ADAMTSL1: variants seen among roughly 807,000 people sequenced by gnomAD.
The protein encoded by ADAMTSL1 is ADAMTS-like protein 1.
Under a neutral mutation model 201.8 loss-of-function variants are expected in ADAMTSL1, and 126 were observed. The ratio of observed to expected loss-of-function variants is 0.62; its 90% CI spans 0.54 to 0.72. The LOEUF (loss-of-function observed/expected upper bound fraction) is 0.72. Among genes scored for constraint, ADAMTSL1 ranks in the 30% least tolerant of loss-of-function variants. The pLI, the probability that ADAMTSL1 is intolerant of heterozygous loss-of-function variation, is 0.00. For missense variants in ADAMTSL1, 2,679 were observed against 2,277.8 expected, an observed-to-expected ratio of 1.18 and a Z score of -3.59; for synonymous variants, 1,121 against 903.4, an observed-to-expected ratio of 1.24 and a Z score of -4.32.
At position 18,777,203 on chromosome 9, in the gene ADAMTSL1, C is replaced by A; in HGVS notation, c.2974C>A (p.Leu992Met). Residue 992 changes from leucine to methionine, a missense_variant, in exon 19 of 29, where the codon CTG becomes ATG. By Grantham distance (15) the Leu-to-Met change is conservative. Transcript: ENST00000380548. ...GAGGAAGGGCGGCCCGAAGGAGGCCCTGCAGACCCACAAACACCAGAACGG... is the reference window on the plus strand; with the variant it reads ...GAGGAAGGGCGGCCCGAAGGAGGCCATGCAGACCCACAAACACCAGAACGG... ...AGRKGGPKEA[L>M]QTHKHQNGIF... is the part of the protein sequence containing the mutation. 1 of 1,612,876 alleles carries A rather than the reference C, an allele frequency of 6.2e-7. No homozygotes were observed. The highest frequency in any genetic ancestry group is 2.2e-5 in the East Asian group (1 of 44,862).
intron 1 of ADAMTSL1, among the ~76,000 whole-genome samples, chr9:18,501,879 T>G (rs1822862353): frequency 6.6e-6 from 1 of 152,220 alleles, no homozygotes; most frequent in Admixed American, 6.5e-5. Flanking sequence ...ATATGTGTAG[T>G]TGTGCTGAAA....
intron 1 of ADAMTSL1, among the ~76,000 whole-genome samples, chr9:17,994,185 C>T (rs1401827102): frequency 6.6e-6 from 1 of 151,988 alleles, no homozygotes; most frequent in Non-Finnish European, 1.5e-5. Context: ...AAGGCCCTGA[C>T]TAATCTGAAC....
intron 26 of ADAMTSL1, among the ~76,000 whole-genome samples, chr9:18,892,804 T>C (rs1829372478): frequency 6.6e-6 from 1 of 152,102 alleles, no homozygotes; most frequent in African/African-American, 2.4e-5. Context: ...ACCAATGTGA[T>C]TGAATGAATG....
chr9:18,115,347 G>A (rs529772250), intron 1 of ADAMTSL1, among the ~76,000 whole-genome samples: 57 of 152,230 alleles, frequency 3.7e-4, no homozygotes, highest in African/African-American at 1.3e-3. Flanking sequence ...TGGAAGGCAG[G>A]CAGGAAGGCA....
At chr9:18,828,264 G>A (rs1038767217) in intron 22 of ADAMTSL1, among the ~76,000 whole-genome samples, 1 of 152,106 alleles carries the variant, frequency 6.6e-6, no homozygotes, top group Non-Finnish European at 1.5e-5. Context: ...GACATGCACT[G>A]AAAAGGAAAA....
chr9:18,884,793 T>TATCA (rs1168899654), intron 23 of ADAMTSL1, among the ~76,000 whole-genome samples: 24 of 152,248 alleles, frequency 1.6e-4, no homozygotes, highest in African/African-American at 5.3e-4. Context: ...TTTTGATTAC[T>TATCA]ATCACTTTGT....
chr9:18,641,472 AC>A (rs1326961819), intron 7 of ADAMTSL1, among the ~76,000 whole-genome samples: 4 of 152,078 alleles, frequency 2.6e-5, no homozygotes, highest in Admixed American at 6.6e-5. Context: ...GCCTGAGTTC[AC>A]ACTGATGGGA....
chr9:18,449,210 A>T (rs1043569815), intron 2 of ADAMTSL1, among the ~76,000 whole-genome samples: 3 of 151,838 alleles, frequency 2.0e-5, no homozygotes, highest in Admixed American at 1.3e-4. Flanking sequence ...TGTATGTCAA[A>T]AATCACTTAG....
chr9:18,850,892 G>A (rs1402816462), intron 23 of ADAMTSL1, among the ~76,000 whole-genome samples: 1 of 152,180 alleles, frequency 6.6e-6, no homozygotes, highest in East Asian at 1.9e-4. Flanking sequence ...AAGAGTATCT[G>A]CCCACCCAGC....
intron 4 of ADAMTSL1, among the ~76,000 whole-genome samples, chr9:18,611,172 C>T (rs570234332): frequency 1.3e-5 from 2 of 152,260 alleles, no homozygotes; most frequent in East Asian, 3.9e-4. Flanking sequence ...CAAAGTATAC[C>T]ATGATGTCAC....
intron 19 of ADAMTSL1, among the ~76,000 whole-genome samples, chr9:18,790,478 C>G (rs1384583883): frequency 6.6e-6 from 1 of 152,190 alleles, no homozygotes; most frequent in Non-Finnish European, 1.5e-5. Context: ...CAGAGACTTT[C>G]CTTTATACAC....
At chr9:17,924,817 C>A (rs1214620961) in intron 1 of ADAMTSL1, among the ~76,000 whole-genome samples, 1 of 74,960 alleles carries the variant, frequency 1.3e-5, no homozygotes, top group Non-Finnish European at 2.7e-5. Flanking sequence ...GTCCAAAACA[C>A]CAAAAGCAAT....
At chr9:18,181,705 C>A (rs1262781414) in intron 2 of ADAMTSL1, among the ~76,000 whole-genome samples, 12 of 151,904 alleles carry the variant, frequency 7.9e-5, no homozygotes, top group Admixed American at 2.0e-4. Context: ...TAAACTAGTT[C>A]AACCCTTGTG....
chr9:17,953,757 T>C (rs1477107886), intron 1 of ADAMTSL1, among the ~76,000 whole-genome samples: 1 of 152,190 alleles, frequency 6.6e-6, no homozygotes, highest in Non-Finnish European at 1.5e-5. Flanking sequence ...GTTTCAGTTA[T>C]CTATTGCTGC....
intron 2 of ADAMTSL1, among the ~76,000 whole-genome samples, chr9:18,288,681 G>A (rs571268403): frequency 1.3e-5 from 2 of 152,300 alleles, no homozygotes; most frequent in Admixed American, 1.3e-4. Flanking sequence ...AAAAAGAAAA[G>A]AAAGTAAAAG....
chr9:18,222,033 A>T (rs1461679181), intron 2 of ADAMTSL1, among the ~76,000 whole-genome samples: 1 of 151,958 alleles, frequency 6.6e-6, no homozygotes, highest in African/African-American at 2.4e-5. Flanking sequence ...AACCATTTAT[A>T]CCCTCTTTAT....
intron 2 of ADAMTSL1, among the ~76,000 whole-genome samples, chr9:18,381,301 C>T (rs1837545397): frequency 6.6e-6 from 1 of 152,122 alleles, no homozygotes; most frequent in Non-Finnish European, 1.5e-5. Flanking sequence ...GGCTTTCTTA[C>T]AGTATAATAG....
Position 18,795,491 on chromosome 9 carries a change from T to C in ADAMTSL1, c.3772T>C (p.Tyr1258His). 1 of 1,613,732 alleles carries C rather than the reference T, an allele frequency of 6.2e-7. No homozygotes were observed. The highest frequency in any genetic ancestry group is 8.5e-7 in the Non-Finnish European group (1 of 1,179,780). The change falls in exon 20 of 29, where the codon TAC (tyrosine) becomes CAC (histidine). Residue 1258 changes from tyrosine (Y) to histidine (H), a missense_variant. Coordinates refer to ENST00000380548, the MANE Select transcript of ADAMTSL1 (RefSeq NM_001040272.6). ...TTGCAATGCCACCAATGCCTTGGGA[T>C]ACGACTCTGTCTCCATTGCCGTCAC... is the stretch of plus-strand genomic sequence containing the variant. ...YTCNATNALGYDSVSIAVTLA... is the reference protein window; with the variant it reads ...YTCNATNALGHDSVSIAVTLA...
intron 7 of ADAMTSL1, among the ~76,000 whole-genome samples, chr9:18,641,515 C>G (rs1827435922): frequency 6.6e-6 from 1 of 152,052 alleles, no homozygotes; most frequent in Non-Finnish European, 1.5e-5. Flanking sequence ...CTCTTTACTT[C>G]TGGTCCAGAA....
Sources: gnomAD v4.1 joint callset for allele counts (sites outside exome capture counted in the v4.1 genomes callset) on GRCh38, gnomAD v4.1.1 for gene constraint, MANE v1.5 for transcripts, NCBI Gene and HGNC (gene_info 2026-07-23, HGNC 2026-07-21) for gene names.